SCUBE1: variants seen among roughly 807,000 people sequenced by gnomAD.
SCUBE1 encodes signal peptide, CUB domain and EGF like domain containing 1.
In SCUBE1, 59 loss-of-function variants were observed where a neutral mutation model predicts 124.4. That is an observed-to-expected ratio of 0.47 (90% CI 0.38 to 0.59). The LOEUF is 0.59. Ranked by LOEUF, SCUBE1 falls within the 20% of genes least tolerant of loss-of-function variation. The pLI, the probability that SCUBE1 is intolerant of heterozygous loss-of-function variation, is 0.00. For synonymous variants in SCUBE1, 545 were observed against 550.9 expected (o/e 0.99, Z 0.15); for missense variants, 1,150 against 1,371.2 (o/e 0.84, Z 2.55).
In SCUBE1 at chr22:43,202,090, G is replaced by A. The variant is rs762024058; in HGVS notation, c.*1907C>T. The A allele has an allele frequency of 6.6e-6, 1 of 152,284 alleles. No homozygotes were observed. The highest frequency in any genetic ancestry group is 2.4e-5 in the African/African-American group (1 of 41,454). The allele number at this position is 152,284 out of a possible 1,614,324, so 9.4% of individuals were successfully genotyped here. A position where few individuals can be genotyped will look rare whatever the true frequency, so the allele number is the denominator to read the frequency against. ...ACTTGAGTTGGACTTCAGCAGAGAA[G>A]GCAGCTGATGGCAGCAGGAGCCACG... On this transcript the variant is annotated 3_prime_UTR_variant, in exon 22 of 22. Transcript: ENST00000360835.
intron 4 of SCUBE1, among the ~76,000 whole-genome samples, chr22:43,265,749 T>C (rs779965919): frequency 6.6e-6 from 1 of 152,216 alleles, no homozygotes; most frequent in Non-Finnish European, 1.5e-5. Context: ...ACTGGCTAGA[T>C]ACTACAGAGA....
intron 4 of SCUBE1, chr22:43,282,444 AC>A: frequency 6.6e-6 from 1 of 152,332 alleles, no homozygotes; most frequent in South Asian, 2.1e-4. Context: ...CCAGAGTCCT[AC>A]TTGAAGTGCT....
chr22:43,319,971 GC>G lies in SCUBE1; in HGVS notation c.314del (p.Gly105AlafsTer60). ...TGTGTCCATCGTGTGCCAGCATGAAGCCATCAAAGCAGGTACACCTGTAGTT... is the reference window on the plus strand; with the variant it reads ...TGTGTCCATCGTGTGCCAGCATGAAGCATCAAAGCAGGTACACCTGTAGTT... ...PGNYRCTCFDGFMLAHDGHNC... is the reference protein window; with the variant it reads ...PGNYRCTCFDXFMLAHDGHNC... On this transcript the variant is annotated frameshift_variant, in exon 3 of 22. Transcript: ENST00000360835. LOFTEE classifies it high-confidence loss of function. 1 of 1,614,150 alleles carries G rather than the reference GC, an allele frequency of 6.2e-7. No individual in the cohort carries two copies. The highest frequency in any genetic ancestry group is 8.5e-7 in the Non-Finnish European group (1 of 1,180,024).
Position 43,198,221 on chromosome 22 carries a change from A to G in SCUBE1, c.*5776T>C, listed in dbSNP as rs138975. ...GCACTGAGTGAGCGTCAGCTTCCCC[A>G]CCTTTCCCTTCTTCCTGTTGGGGCT... On this transcript the variant is annotated 3_prime_UTR_variant, in exon 22 of 22. Transcript: ENST00000360835. 193,522 of 272,786 alleles carry G rather than the reference A, an allele frequency of 0.71. 70,064 individuals carry two copies. Among genetic ancestry groups the G allele is most frequent in the African/African-American group, 0.86 (39,123 of 45,240 alleles). The allele number at this position is 272,786 out of a possible 1,614,324, so 16.9% of individuals were successfully genotyped here. A position where few individuals can be genotyped will look rare whatever the true frequency, so the allele number is the denominator to read the frequency against.
chr22:43,314,279 G>A (rs1028505652), intron 3 of SCUBE1, among the ~76,000 whole-genome samples: 1 of 152,300 alleles, frequency 6.6e-6, no homozygotes, highest in South Asian at 2.1e-4. Context: ...GTAGTTAAAT[G>A]GCCAAAGCTG....
intron 14 of SCUBE1, among the ~76,000 whole-genome samples, chr22:43,220,012 G>A (rs898311324): frequency 1.6e-4 from 25 of 152,094 alleles, no homozygotes; most frequent in Admixed American, 1.2e-3. Flanking sequence ...CAACATCAAC[G>A]ACTCACAGGT....
rs77081444 is a variant in SCUBE1, at chr22:43,325,863, C to G, written c.221-5798G>C. On this transcript the variant is annotated intron_variant, in intron 2 of 21. Coordinates refer to ENST00000360835, the MANE Select transcript of SCUBE1 (RefSeq NM_173050.5). ...TTTTTGTGTATTGAAAGGCAGCGTG[C>G]GCACACACAACCCCATGGCTGTGCT... 6.2e-3 allele frequency among the ~76,000 whole-genome samples: 945 copies of G among 152,026 alleles called. 11 individuals carry two copies. Among genetic ancestry groups the G allele is most frequent in the African/African-American group, 0.021 (881 of 41,468 alleles).
At chr22:43,276,938 G>A (rs1435266683) in intron 4 of SCUBE1, among the ~76,000 whole-genome samples, 8 of 152,178 alleles carry the variant, frequency 5.3e-5, no homozygotes, top group Non-Finnish European at 1.2e-4. Context: ...TTTCCTGACT[G>A]CCTGCTCCCT....
intron 1 of SCUBE1, among the ~76,000 whole-genome samples, chr22:43,341,664 G>C (rs1188015098): frequency 6.6e-6 from 1 of 152,196 alleles, no homozygotes; most frequent in Non-Finnish European, 1.5e-5. Flanking sequence ...AGTTTGAGGA[G>C]AGAGAGGGAG....
intron 10 of SCUBE1, among the ~76,000 whole-genome samples, chr22:43,226,489 C>T (rs1373854048): frequency 1.3e-5 from 2 of 151,924 alleles, no homozygotes; most frequent in Non-Finnish European, 2.9e-5. Context: ...GGAGGCCCTG[C>T]GAAGTCAGTG....
Position 43,343,263 on chromosome 22 carries a change from C to T in SCUBE1, c.-2G>A, listed in dbSNP as rs540589543. On this transcript the variant is annotated 5_prime_UTR_variant, in exon 1 of 22. Coordinates refer to ENST00000360835, the MANE Select transcript of SCUBE1 (RefSeq NM_173050.5). ...CCAGCGCACGGCCGCCGCGCCCATG[C>T]TCAATGCGGGCCCCGCTGGGCGTGC... is the stretch of plus-strand genomic sequence containing the variant. The T allele has an allele frequency of 1.5e-3, 1,700 of 1,145,536 alleles. 28 individuals carry two copies. The African/African-American group carries it at 0.026, about 17-fold the overall frequency. The allele number at this position is 1,145,536 out of a possible 1,614,324, so 71.0% of individuals were successfully genotyped here.
At chr22:43,299,015 C>T (rs1925669849) in intron 3 of SCUBE1, among the ~76,000 whole-genome samples, 3 of 149,230 alleles carry the variant, frequency 2.0e-5, no homozygotes, top group Admixed American at 1.3e-4. Context: ...CGCACCACTG[C>T]ACTCTGGCCT....
At chr22:43,330,924 G>T (rs1926883594) in intron 2 of SCUBE1, among the ~76,000 whole-genome samples, 2 of 152,112 alleles carry the variant, frequency 1.3e-5, no homozygotes, top group South Asian at 4.1e-4. Context: ...TTTAAGACTT[G>T]AAGGAGAAGA....
rs377327418 is a variant in SCUBE1 at position 43,238,921 on chromosome 22, C to T, written c.761G>A (p.Arg254Gln). 6.0e-5 allele frequency: 96 copies of T among 1,612,938 alleles called. No homozygotes were observed. The South Asian group carries it at 6.9e-4, about 12-fold the overall frequency. The change falls in exon 7 of 22, where the codon CGG becomes CAG. Residue 254 changes from arginine (R) to glutamine (Q), a missense_variant. Around this residue, in one of 3 missense-constraint regions of SCUBE1, gnomAD observed 337 missense variants for 482.1 expected, o/e 0.70. Transcript: ENST00000360835. ...GCCAGTGGCTGTGTCCTTGCATGTC[C>T]GGTCGCAGCCTCCGTTATTGACTGC... ...TCAVNNGGCD[R>Q]TCKDTATGVR... is the part of the protein sequence containing the mutation.
At chr22:43,205,828 C>T (rs1449391398) in intron 21 of SCUBE1, among the ~76,000 whole-genome samples, 1 of 107,344 alleles carries the variant, frequency 9.3e-6, no homozygotes. Context: ...CACTCACCCC[C>T]ACACACACCA....
chr22:43,218,522 C>T, intron 14 of SCUBE1, 64 bp from the exon 15 acceptor site: 1 of 1,553,606 alleles, frequency 6.4e-7, no homozygotes, highest in East Asian at 2.2e-5. Context: ...GCCTTCTTAG[C>T]TGAGGGCTCC....
At chr22:43,337,324 C>G (rs1569036742) in intron 2 of SCUBE1, among the ~76,000 whole-genome samples, 1 of 152,010 alleles carries the variant, frequency 6.6e-6, no homozygotes, top group Non-Finnish European at 1.5e-5. Context: ...AGGAGAGGGC[C>G]TAAGGAGGAG....
At position 43,204,019 on chromosome 22, in the gene SCUBE1, C is replaced by T. The variant is rs375387580; in HGVS notation, c.2945G>A (p.Arg982Gln). Reference protein sequence around the residue: ...FIKLLRSKVSRFLRPYK With the variant: ...FIKLLRSKVSQFLRPYK ...CGGTTATTTGTAGGGCCGCAGGAAC[C>T]GAGACACTTTGGAGCGCAGCAGTTT... is the stretch of plus-strand genomic sequence containing the variant. The change falls in exon 22 of 22, where the codon CGG (arginine) becomes CAG (glutamine). Residue 982 changes from arginine (R) to glutamine (Q), a missense_variant. Coordinates refer to ENST00000360835, the MANE Select transcript of SCUBE1 (RefSeq NM_173050.5). The T allele has an allele frequency of 6.8e-6, 11 of 1,614,016 alleles. No homozygotes were observed. Among genetic ancestry groups the T allele is most frequent in the African/African-American group, 1.3e-5 (1 of 74,922 alleles).
In SCUBE1 at chr22:43,214,011, G is replaced by A. The variant is rs947045080; in HGVS notation, c.2053+79C>T. The A allele has an allele frequency of 6.1e-6, 8 of 1,309,174 alleles. No individual in the cohort carries two copies. In the East Asian group the frequency reaches 7.7e-5, roughly 13 times the overall value. The allele number at this position is 1,309,174 out of a possible 1,614,324, so 81.1% of individuals were successfully genotyped here. A position where few individuals can be genotyped will look rare whatever the true frequency, so the allele number is the denominator to read the frequency against. The stretch of plus-strand genomic sequence containing the variant: ...GGCCACACCAGGCACCTGGGCCTTC[G>A]ACAGGAGGGCCTCATCAGAGACAGG... On this transcript the variant is annotated intron_variant, in intron 16 of 21. Coordinates refer to ENST00000360835, the MANE Select transcript of SCUBE1 (RefSeq NM_173050.5).
Sources: allele counts gnomAD v4.1 joint callset (sites outside exome capture counted in the v4.1 genomes callset), GRCh38; gene constraint gnomAD v4.1.1; regional missense constraint gnomAD v4.1.1; transcripts MANE v1.5; gene names NCBI Gene and HGNC (gene_info 2026-07-23, HGNC 2026-07-21).